KITLG: variants seen among roughly 807,000 people sequenced by gnomAD.
The protein encoded by KITLG is c-Kit ligand.
A neutral mutation model predicts 34.1 loss-of-function variants in KITLG; 13 were observed. The ratio of observed to expected loss-of-function variants is 0.38; its 90% confidence interval spans 0.25 to 0.61. The LOEUF (loss-of-function observed/expected upper bound fraction) is 0.61, where lower values mean the gene tolerates loss of function less well. Among genes scored for constraint, KITLG ranks in the 20% least tolerant of loss-of-function variants. The pLI is 0.60. For missense variants in KITLG, 292 were observed against 318.9 expected, an observed-to-expected ratio of 0.92 and a Z score of 0.64; for synonymous variants, 110 against 104.0, an observed-to-expected ratio of 1.06 and a Z score of -0.35.
intron 2 of KITLG, among the ~76,000 whole-genome samples, chr12:88,538,254 C>A (rs1431116820): frequency 1.3e-5 from 2 of 151,814 alleles, no homozygotes; most frequent in Admixed American, 1.3e-4. Context: ...TCCAGGAAAA[C>A]TGCCTTTGAG....
At chr12:88,570,764 T>A (rs962692323) in intron 1 of KITLG, among the ~76,000 whole-genome samples, 4 of 152,184 alleles carry the variant, frequency 2.6e-5, no homozygotes, top group African/African-American at 7.2e-5. Flanking sequence ...TTAAAAAAAA[T>A]GATGCCAAAT....
rs754074191 is a variant in KITLG, at chr12:88,507,041, G to A, written c.701C>T (p.Ala234Val). 5.0e-6 allele frequency: 8 copies of A among 1,587,554 alleles called. No homozygotes were observed. The highest frequency in any genetic ancestry group is 6.9e-6 in the Non-Finnish European group (8 of 1,155,948). ...GGTACCACTTACCTTCCAGTATAAGGCTCCAAAAGCAAAGCCAATTATAAG... is the reference window on the plus strand; with the variant it reads ...GGTACCACTTACCTTCCAGTATAAGACTCCAAAAGCAAAGCCAATTATAAG... ...FSLIIGFAFG[A>V]LYWKKRQPSL... The change falls in exon 7 of 10, where the codon GCC (alanine) becomes GTC (valine). Residue 234 changes from alanine (A) to valine (V), a missense_variant. Coordinates refer to ENST00000644744, the MANE Select transcript of KITLG (RefSeq NM_000899.5).
At chr12:88,519,103 C>T (rs1869564800) in intron 3 of KITLG, among the ~76,000 whole-genome samples, 1 of 152,098 alleles carries the variant, frequency 6.6e-6, no homozygotes, top group South Asian at 2.1e-4. Context: ...CTCAAATGAT[C>T]CACCCGTCTC....
At chr12:88,515,791 C>T (rs1210515515) in intron 5 of KITLG, among the ~76,000 whole-genome samples, 174 bp from the exon 6 acceptor site, 1 of 151,612 alleles carries the variant, frequency 6.6e-6, no homozygotes, top group Non-Finnish European at 1.5e-5. Context: ...ACTAAGAAAT[C>T]CACCATTATC....
chr12:88,539,654 G>A (rs544121157), intron 2 of KITLG, among the ~76,000 whole-genome samples: 1 of 152,206 alleles, frequency 6.6e-6, no homozygotes, highest in East Asian at 1.9e-4. Flanking sequence ...GGGCACAGTG[G>A]TTCATACCTG....
intron 2 of KITLG, chr12:88,534,735 C>A (rs752943943): frequency 2.0e-6 from 1 of 510,796 alleles, no homozygotes. Context: ...TTATTTTTGG[C>A]GTTAACTCCC....
At chr12:88,548,183 T>C (rs1870779454) in intron 1 of KITLG, among the ~76,000 whole-genome samples, 1 of 152,014 alleles carries the variant, frequency 6.6e-6, no homozygotes, top group South Asian at 2.1e-4. Flanking sequence ...TGGCCGGGCG[T>C]GGTGGCTCAT....
chr12:88,578,661 C>T (rs1454802702), intron 1 of KITLG, among the ~76,000 whole-genome samples: 1 of 152,126 alleles, frequency 6.6e-6, no homozygotes, highest in Non-Finnish European at 1.5e-5. Context: ...ATAGTACATC[C>T]CCTGGCTTTG....
intron 2 of KITLG, among the ~76,000 whole-genome samples, chr12:88,537,240 T>C (rs1870354882): frequency 6.6e-6 from 1 of 152,074 alleles, no homozygotes; most frequent in South Asian, 2.1e-4. Flanking sequence ...CTATCAACAA[T>C]GGACTGAATA....
chr12:88,569,619 T>C lies in KITLG; in HGVS notation c.15+10645A>G, dbSNP rs1326253111. On this transcript the variant is annotated intron_variant, in intron 1 of 9. Coordinates refer to ENST00000644744, the MANE Select transcript of KITLG (RefSeq NM_000899.5). ...ATAACTACCTATGATAAATGTACCA[T>C]TGCTCATTCTGTTTGGCAGATGGGG... 2.0e-5 allele frequency among the ~76,000 whole-genome samples: 3 copies of C among 152,184 alleles called. No individual in the cohort carries two copies. The South Asian group carries it at 6.2e-4, about 32-fold the overall frequency.
At chr12:88,532,538 T>G (rs755099701) in intron 2 of KITLG, 35 bp from the exon 3 acceptor site, 4 of 1,381,108 alleles carry the variant, frequency 2.9e-6, no homozygotes, top group Non-Finnish European at 4.1e-6. Flanking sequence ...CATAAGAAAA[T>G]TCTTATACAT....
chr12:88,557,879 G>A (rs1871152043), intron 1 of KITLG, among the ~76,000 whole-genome samples: 2 of 152,066 alleles, frequency 1.3e-5, no homozygotes, highest in African/African-American at 4.8e-5. Flanking sequence ...TCTGAGGGTT[G>A]TACATCACCC....
chr12:88,527,963 C>T (rs1452420033), intron 3 of KITLG, among the ~76,000 whole-genome samples: 2 of 152,130 alleles, frequency 1.3e-5, no homozygotes, highest in African/African-American at 4.8e-5. Flanking sequence ...ACTAGAGAGA[C>T]AGGATGTAGT....
intron 6 of KITLG, among the ~76,000 whole-genome samples, chr12:88,510,460 C>A (rs1337703119): frequency 6.6e-6 from 1 of 152,154 alleles, no homozygotes; most frequent in East Asian, 1.9e-4. Flanking sequence ...TATGATCTTC[C>A]ATTTGACCGA....
intron 1 of KITLG, among the ~76,000 whole-genome samples, chr12:88,559,443 G>C (rs1434852253): frequency 2.0e-5 from 3 of 152,178 alleles, no homozygotes; most frequent in African/African-American, 7.2e-5. Context: ...CTTAAGTTCT[G>C]AGTGCTGGGA....
At chr12:88,576,064 T>C (rs1442675626) in intron 1 of KITLG, among the ~76,000 whole-genome samples, 2 of 152,056 alleles carry the variant, frequency 1.3e-5, no homozygotes, top group Non-Finnish European at 2.9e-5. Context: ...TAAAATAAAA[T>C]AAAATGAAAT....
At chr12:88,561,185 A>C (rs1485856662) in intron 1 of KITLG, among the ~76,000 whole-genome samples, 3 of 152,096 alleles carry the variant, frequency 2.0e-5, no homozygotes, top group Non-Finnish European at 4.4e-5. Context: ...GGGTGTAATA[A>C]CAGAACTGAC....
At chr12:88,512,525 T>C (rs1008281148) in intron 6 of KITLG, among the ~76,000 whole-genome samples, 1 of 151,930 alleles carries the variant, frequency 6.6e-6, no homozygotes, top group African/African-American at 2.4e-5. Context: ...GGAAAACAAA[T>C]ATATAGATCC....
Position 88,493,906 on chromosome 12 carries a change from A to G in KITLG, c.*3313T>C, listed in dbSNP as rs1868504688. 1.3e-5 allele frequency: 2 copies of G among 151,932 alleles called. No homozygotes were observed. The highest frequency in any genetic ancestry group is 6.6e-5 in the Admixed American group (1 of 15,220). The allele number at this position is 151,932 out of a possible 1,614,324, so 9.4% of individuals were successfully genotyped here. ...TCCAATTCACCCTACTTAAGACTGA[A>G]TTTCACTTTTACTAATGGACACTAT... is the stretch of plus-strand genomic sequence containing the variant. On this transcript the variant is annotated 3_prime_UTR_variant, in exon 10 of 10. Coordinates refer to ENST00000644744, the MANE Select transcript of KITLG (RefSeq NM_000899.5).
Sources: allele counts gnomAD v4.1 joint callset (sites outside exome capture counted in the v4.1 genomes callset), GRCh38; gene constraint gnomAD v4.1.1; transcripts MANE v1.5; gene names NCBI Gene and HGNC (gene_info 2026-07-23, HGNC 2026-07-21).